The following VPS8 variants were observed in gnomAD, a reference collection of about 807,000 sequenced individuals.
The protein encoded by VPS8 is VPS8 subunit of CORVET complex.
A neutral mutation model predicts 216.4 loss-of-function variants in VPS8; 129 were observed. That is an observed-to-expected ratio of 0.60 (90% CI 0.52 to 0.69). VPS8 has a LOEUF of 0.69. Ranked by LOEUF, VPS8 falls within the 30% of genes least tolerant of loss-of-function variation. The pLI is 0.00. For missense variants in VPS8, 1,531 were observed against 1,683.5 expected (o/e 0.91, Z 1.59); for synonymous variants, 571 against 565.4 (o/e 1.01, Z -0.14).
chr3:184,964,106 T>G (rs1560892028), intron 37 of VPS8, among the ~76,000 whole-genome samples: 1 of 152,126 alleles, frequency 6.6e-6, no homozygotes, highest in African/African-American at 2.4e-5. Flanking sequence ...CAAGTTGATT[T>G]GTAATGTTTT....
At chr3:184,965,156 T>C (rs1162812250) in intron 38 of VPS8, among the ~76,000 whole-genome samples, 1 of 152,172 alleles carries the variant, frequency 6.6e-6, no homozygotes, top group African/African-American at 2.4e-5. Flanking sequence ...TTTTGTTTTG[T>C]TGTGTTTTTT....
At chr3:184,983,979 T>G (rs2109768569) in intron 42 of VPS8, among the ~76,000 whole-genome samples, 1 of 150,608 alleles carries the variant, frequency 6.6e-6, no homozygotes, top group Middle Eastern at 3.5e-3. Flanking sequence ...GGTCAGGAGA[T>G]CGAGACCATC....
At chr3:184,967,238 G>A (rs1186160004) in intron 39 of VPS8, among the ~76,000 whole-genome samples, 1 of 152,150 alleles carries the variant, frequency 6.6e-6, no homozygotes, top group East Asian at 1.9e-4. Flanking sequence ...TGGTGAGATT[G>A]TAGACATAAG....
chr3:184,874,758 C>G (rs1358026531), intron 21 of VPS8, among the ~76,000 whole-genome samples: 1 of 152,006 alleles, frequency 6.6e-6, no homozygotes, highest in East Asian at 1.9e-4. Flanking sequence ...AGCCACATCC[C>G]ACAACTGAGA....
chr3:184,962,086 T>C (rs1331218286), intron 37 of VPS8, among the ~76,000 whole-genome samples: 2 of 152,238 alleles, frequency 1.3e-5, no homozygotes, highest in African/African-American at 4.8e-5. Context: ...TTTAAAACAT[T>C]TTTATACATG....
intron 36 of VPS8, among the ~76,000 whole-genome samples, chr3:184,941,288 C>G (rs914747411): frequency 1.9e-5 from 1 of 52,456 alleles, no homozygotes; most frequent in Admixed American, 1.9e-4. Flanking sequence ...TTTAGTCAAA[C>G]GAATATGTAT....
intron 25 of VPS8, 49 bp from the exon 26 acceptor site, chr3:184,913,469 GA>G: frequency 2.7e-6 from 4 of 1,473,106 alleles, no homozygotes; most frequent in Admixed American, 4.4e-5. Context: ...TTATTTTTCT[GA>G]AAAGGTTTTG....
At chr3:185,033,618 A>G (rs1411833221) in intron 46 of VPS8, among the ~76,000 whole-genome samples, 3 of 152,232 alleles carry the variant, frequency 2.0e-5, no homozygotes, top group Non-Finnish European at 4.4e-5. Context: ...TGGGCATCTC[A>G]ACTCATTTGT....
Position 184,928,546 on chromosome 3 carries a change from G to A in VPS8, c.2714+13G>A. On this transcript the variant is annotated intron_variant, in intron 32 of 47. Coordinates refer to ENST00000625842, the MANE Select transcript of VPS8 (RefSeq NM_001009921.3). ...AAAAAGCTGAGTTGTAAGTTGTTTT[G>A]AGGCTGTATATTAGTTTGCCATAGA... 1 of 1,488,170 alleles carries A rather than the reference G, an allele frequency of 6.7e-7. No homozygotes were observed. Among genetic ancestry groups the A allele is most frequent in the Non-Finnish European group, 8.9e-7 (1 of 1,128,088 alleles). The allele number at this position is 1,488,170 out of a possible 1,614,324, so 92.2% of individuals were successfully genotyped here. A position where few individuals can be genotyped will look rare whatever the true frequency, so the allele number is the denominator to read the frequency against.
intron 23 of VPS8, among the ~76,000 whole-genome samples, chr3:184,898,226 T>C (rs1733873239): frequency 6.6e-6 from 1 of 152,148 alleles, no homozygotes; most frequent in Admixed American, 6.5e-5. Flanking sequence ...TAACACTTTA[T>C]TCCCAGTGCC....
intron 46 of VPS8, among the ~76,000 whole-genome samples, chr3:185,028,842 G>A (rs1357665813): frequency 6.6e-6 from 1 of 152,188 alleles, no homozygotes; most frequent in Non-Finnish European, 1.5e-5. Context: ...CATCAGTCTT[G>A]TTTACAGTTG....
chr3:185,020,554 T>A (rs548375001), intron 45 of VPS8, among the ~76,000 whole-genome samples: 2 of 151,870 alleles, frequency 1.3e-5, no homozygotes, highest in Non-Finnish European at 2.9e-5. Flanking sequence ...CACTGCATCC[T>A]GGACCTCCCG....
At chr3:184,910,987 G>A (rs1313346989) in intron 25 of VPS8, among the ~76,000 whole-genome samples, 4 of 152,152 alleles carry the variant, frequency 2.6e-5, no homozygotes, top group Admixed American at 6.5e-5. Flanking sequence ...TTAACTTCCC[G>A]TACCTAATAG....
intron 7 of VPS8, among the ~76,000 whole-genome samples, chr3:184,842,253 C>A (rs543533574): frequency 1.3e-3 from 185 of 147,808 alleles, no homozygotes; most frequent in African/African-American, 4.3e-3. Context: ...TAGCTTACTG[C>A]AAACAATTTA....
intron 45 of VPS8, among the ~76,000 whole-genome samples, chr3:185,011,262 G>A (rs577798329): frequency 6.6e-6 from 1 of 152,334 alleles, no homozygotes; most frequent in East Asian, 1.9e-4. Context: ...GAAGCAGGCA[G>A]AAACTATAGG....
chr3:184,849,774 A>C (rs1158670946), intron 9 of VPS8, 162 bp from the exon 10 acceptor site: 6 of 625,228 alleles, frequency 9.6e-6, no homozygotes, highest in Non-Finnish European at 1.7e-5. Flanking sequence ...TAAAGGCTCT[A>C]TGCTTTAATG....
chr3:184,855,449 G>T (rs1725062809), intron 13 of VPS8, among the ~76,000 whole-genome samples: 1 of 152,118 alleles, frequency 6.6e-6, no homozygotes, highest in African/African-American at 2.4e-5. Flanking sequence ...ACAAAGAAAT[G>T]CACAGATCTT....
chr3:184,854,268 A>G (rs1724838086), intron 13 of VPS8, 95 bp downstream of exon 13: 2 of 1,362,358 alleles, frequency 1.5e-6, no homozygotes, highest in Non-Finnish European at 1.0e-6. Flanking sequence ...TGAGATTGTC[A>G]GAAAACTAGA....
At chr3:185,025,175 G>A (rs1272658539) in intron 46 of VPS8, among the ~76,000 whole-genome samples, 1 of 152,184 alleles carries the variant, frequency 6.6e-6, no homozygotes, top group African/African-American at 2.4e-5. Context: ...ACCACAGATA[G>A]GGTATGACTG....
Sources: gnomAD v4.1 joint callset for allele counts (sites outside exome capture counted in the v4.1 genomes callset) on GRCh38, gnomAD v4.1.1 for gene constraint, MANE v1.5 for transcripts, NCBI Gene and HGNC (gene_info 2026-07-23, HGNC 2026-07-21) for gene names.